The following RABGAP1L variants were observed in gnomAD, a reference collection of about 807,000 sequenced individuals.
RABGAP1L encodes the protein rab GTPase-activating protein 1-like.
RABGAP1L carries 63 observed loss-of-function variants against 137.7 expected under a neutral mutation model. That is an observed-to-expected ratio of 0.46 (90% CI 0.37 to 0.56). RABGAP1L has a LOEUF of 0.56. Ranked by LOEUF, RABGAP1L falls within the 20% of genes least tolerant of loss-of-function variation. The probability of loss-of-function intolerance (pLI) is 0.00; values close to 1 mark genes in which losing one functional copy is unlikely to be tolerated. For missense variants in RABGAP1L, 1,095 were observed against 1,244.0 expected (o/e 0.88, Z 1.80); for synonymous variants, 431 against 433.7 (o/e 0.99, Z 0.08).
At chr1:174,225,671 A>C (rs1386831646) in intron 3 of RABGAP1L, among the ~76,000 whole-genome samples, 1 of 152,026 alleles carries the variant, frequency 6.6e-6, no homozygotes, top group Non-Finnish European at 1.5e-5. Flanking sequence ...TTAGGGGATT[A>C]TCTTCTTCAG....
In RABGAP1L at chr1:174,248,272, T is replaced by C. The variant is rs564057461; in HGVS notation, c.718-2203T>C. ...TATTTGCTGGAGTACAGGCTGTATG[T>C]TCTCTCTTGTATTTCTGGCACCTAG... On this transcript the variant is annotated intron_variant, in intron 5 of 25. Transcript: ENST00000681986. Among the ~76,000 whole-genome samples, 4 of 152,356 alleles carry C rather than the reference T, an allele frequency of 2.6e-5. No individual in the cohort carries two copies. In the South Asian group the frequency reaches 8.3e-4, roughly 32 times the overall value.
intron 10 of RABGAP1L, among the ~76,000 whole-genome samples, chr1:174,302,418 C>G (rs992637105): frequency 3.9e-5 from 6 of 152,032 alleles, no homozygotes; most frequent in Non-Finnish European, 7.4e-5. Context: ...AGAGAGGTCT[C>G]AAGAAACAAG....
intron 13 of RABGAP1L, among the ~76,000 whole-genome samples, chr1:174,397,275 C>T (rs1647983903): frequency 6.6e-6 from 1 of 152,180 alleles, no homozygotes; most frequent in Non-Finnish European, 1.5e-5. Context: ...TTACTTTCTG[C>T]CAGTGAAGAT....
chr1:174,815,329 A>G (rs1690284612), intron 19 of RABGAP1L, among the ~76,000 whole-genome samples: 1 of 152,256 alleles, frequency 6.6e-6, no homozygotes, highest in African/African-American at 2.4e-5. Flanking sequence ...GTGTTAGACA[A>G]AGCATTCATG....
intron 4 of RABGAP1L, among the ~76,000 whole-genome samples, chr1:174,236,127 T>C (rs1487008768): frequency 1.1e-3 from 101 of 93,480 alleles, no homozygotes; most frequent in African/African-American, 5.1e-3. Context: ...CCCTTTATCA[T>C]TTTTTATTGT....
At chr1:174,661,181 A>G (rs1676344088) in intron 14 of RABGAP1L, among the ~76,000 whole-genome samples, 1 of 152,232 alleles carries the variant, frequency 6.6e-6, no homozygotes, top group Non-Finnish European at 1.5e-5. Context: ...TTAAAGTACT[A>G]TCAACTAGTT....
chr1:174,361,206 A>T (rs1684113245), intron 11 of RABGAP1L, among the ~76,000 whole-genome samples: 1 of 146,566 alleles, frequency 6.8e-6, no homozygotes, highest in South Asian at 2.2e-4. Flanking sequence ...GAAGTCAGTA[A>T]TGTGATTGCT....
At chr1:174,301,615 T>G (rs1176981447) in intron 10 of RABGAP1L, among the ~76,000 whole-genome samples, 1 of 151,856 alleles carries the variant, frequency 6.6e-6, no homozygotes, top group Non-Finnish European at 1.5e-5. Flanking sequence ...AGGTGGAGAA[T>G]TTAATTGAGC....
chr1:174,337,839 T>C (rs1392675520), intron 11 of RABGAP1L, among the ~76,000 whole-genome samples: 2 of 152,182 alleles, frequency 1.3e-5, no homozygotes, highest in African/African-American at 2.4e-5. Context: ...TTAAAAAATA[T>C]TTGTGTACCT....
intron 19 of RABGAP1L, among the ~76,000 whole-genome samples, chr1:174,927,630 T>C (rs114338917): frequency 0.02 from 3,081 of 152,294 alleles, 115 homozygotes; most frequent in African/African-American, 0.071. Context: ...TAGTGCACTA[T>C]AGCACTGAAA....
At chr1:174,444,314 T>C (rs1288932530) in intron 13 of RABGAP1L, among the ~76,000 whole-genome samples, 2 of 152,084 alleles carry the variant, frequency 1.3e-5, no homozygotes, top group African/African-American at 4.8e-5. Flanking sequence ...ACATGGCATA[T>C]CTTTTTAATG....
intron 10 of RABGAP1L, among the ~76,000 whole-genome samples, 185 bp downstream of exon 10, chr1:174,278,964 A>C (rs191518483): frequency 6.6e-6 from 1 of 152,304 alleles, no homozygotes; most frequent in Admixed American, 6.5e-5. Flanking sequence ...AGCTAAAAAA[A>C]CCCAGCAAGT....
intron 15 of RABGAP1L, among the ~76,000 whole-genome samples, chr1:174,697,140 G>C (rs1679317168): frequency 6.6e-6 from 1 of 152,162 alleles, no homozygotes; most frequent in African/African-American, 2.4e-5. Context: ...CATCTGTTCA[G>C]TGACTATATG....
chr1:174,986,433 G>A (rs4651250), intron 24 of RABGAP1L, among the ~76,000 whole-genome samples: 17,704 of 152,182 alleles, frequency 0.12, 3,438 homozygotes, highest in African/African-American at 0.4. Context: ...AATTTAGGGA[G>A]TGTCACCTTT....
At chr1:174,927,273 C>A (rs1196207676) in intron 19 of RABGAP1L, among the ~76,000 whole-genome samples, 1 of 152,158 alleles carries the variant, frequency 6.6e-6, no homozygotes, top group Non-Finnish European at 1.5e-5. Context: ...ATTATTAAAA[C>A]TGCAATTACT....
chr1:174,221,206 A>G, intron 3 of RABGAP1L, 42 bp downstream of exon 3: 2 of 1,359,656 alleles, frequency 1.5e-6, no homozygotes, highest in Non-Finnish European at 1.9e-6. Context: ...GAAATGGGAT[A>G]AAGTAATAGT....
chr1:174,597,465 T>C (rs1378237133), intron 13 of RABGAP1L, among the ~76,000 whole-genome samples: 1 of 152,156 alleles, frequency 6.6e-6, no homozygotes, highest in Non-Finnish European at 1.5e-5. Context: ...TCTAGGAATT[T>C]GTCCATTTCT....
chr1:174,306,438 C>T (rs902772384), intron 11 of RABGAP1L, among the ~76,000 whole-genome samples: 3 of 152,306 alleles, frequency 2.0e-5, no homozygotes, highest in African/African-American at 7.2e-5. Context: ...TGTTTCCTGA[C>T]TTTTTAACGA....
intron 19 of RABGAP1L, among the ~76,000 whole-genome samples, chr1:174,948,337 A>G (rs528592286): frequency 1.3e-5 from 2 of 151,976 alleles, no homozygotes; most frequent in Non-Finnish European, 2.9e-5. Context: ...CCTGGTCAAC[A>G]TAGCGAGACC....
Sources: allele counts gnomAD v4.1 joint callset (sites outside exome capture counted in the v4.1 genomes callset), GRCh38; gene constraint gnomAD v4.1.1; transcripts MANE v1.5; gene names NCBI Gene and HGNC (gene_info 2026-07-23, HGNC 2026-07-21).